The following STOX1 variants were observed in gnomAD, a reference collection of about 807,000 sequenced individuals.
STOX1 encodes storkhead-box protein 1.
Under a neutral mutation model 74.8 loss-of-function variants are expected in STOX1, and 57 were observed. That is an observed-to-expected ratio of 0.76 (90% confidence interval 0.62 to 0.95). The LOEUF (loss-of-function observed/expected upper bound fraction) is 0.95. Among genes scored for constraint, STOX1 ranks in the 40% least tolerant of loss-of-function variants. The probability of loss-of-function intolerance (pLI) is 0.00; values close to 1 mark genes in which losing one functional copy is unlikely to be tolerated. For missense variants in STOX1, 1,010 were observed against 1,117.0 expected, an observed-to-expected ratio of 0.90 and a Z score of 1.37; for synonymous variants, 375 against 401.3, an observed-to-expected ratio of 0.93 and a Z score of 0.78.
intron 1 of STOX1, among the ~76,000 whole-genome samples, chr10:68,832,325 G>C (rs573218554): frequency 3.6e-4 from 55 of 152,274 alleles, no homozygotes; most frequent in African/African-American, 1.3e-3. Context: ...TTTATAGCTG[G>C]GGTGTCTCCA....
chr10:68,849,361 G>T (rs953039938), intron 1 of STOX1, among the ~76,000 whole-genome samples: 1 of 152,122 alleles, frequency 6.6e-6, no homozygotes, highest in African/African-American at 2.4e-5. Flanking sequence ...TTGAATCACT[G>T]AGTGATTCTC....
intron 1 of STOX1, among the ~76,000 whole-genome samples, chr10:68,835,753 C>T (rs1839532869): frequency 6.6e-6 from 1 of 152,206 alleles, no homozygotes; most frequent in African/African-American, 2.4e-5. Context: ...TGAAAAACAC[C>T]AGTGCAAAAT....
intron 3 of STOX1, among the ~76,000 whole-genome samples, chr10:68,889,562 T>C (rs182267063): frequency 2.0e-5 from 3 of 152,182 alleles, no homozygotes; most frequent in African/African-American, 7.2e-5. Context: ...GCTTGGTGTT[T>C]GTTTGCTTAT....
At chr10:68,871,684 T>C (rs1236534050) in intron 1 of STOX1, among the ~76,000 whole-genome samples, 1 of 152,252 alleles carries the variant, frequency 6.6e-6, no homozygotes, top group African/African-American at 2.4e-5. Context: ...GTTTTTGCAT[T>C]CTTTTACTTT....
At position 68,859,753 on chromosome 10, in the gene STOX1, A is replaced by G. The variant is rs575903640; in HGVS notation, c.311-22205A>G. On this transcript the variant is annotated intron_variant, in intron 1 of 3. Transcript: ENST00000298596. Reference sequence around the variant, plus strand: ...TTGAACAAATGAGGGACAGATTCCAACAAGAAGCTTGGAAGTAGGTAGCCT... The same window carrying G: ...TTGAACAAATGAGGGACAGATTCCAGCAAGAAGCTTGGAAGTAGGTAGCCT... Among the ~76,000 whole-genome samples the G allele has an allele frequency of 1.5e-3, 235 of 152,124 alleles. 1 individual carries two copies. The highest frequency in any genetic ancestry group is 5.0e-3 in the African/African-American group (207 of 41,430).
In STOX1 at chr10:68,885,262, A is replaced by T. The variant is rs1419023856; in HGVS notation, c.1466A>T (p.Tyr489Phe). 3 of 1,614,148 alleles carry T rather than the reference A, an allele frequency of 1.9e-6. No homozygotes were observed. The highest frequency in any genetic ancestry group is 2.5e-6 in the Non-Finnish European group (3 of 1,180,050). ...ACAGTGCTAGGTTCCCATTTGATTTACAAAAAGCGAATCAGTAATCCTTTC... is the reference window on the plus strand; with the variant it reads ...ACAGTGCTAGGTTCCCATTTGATTTTCAAAAAGCGAATCAGTAATCCTTTC... Reference protein sequence around the residue: ...ITTVLGSHLIYKKRISNPFQG... With the variant: ...ITTVLGSHLIFKKRISNPFQG... Residue 489 changes from tyrosine to phenylalanine, a missense_variant, in exon 3 of 4, where the codon TAC becomes TTC. By Grantham distance (22) the Tyr-to-Phe change is conservative (BLOSUM62 3). Transcript: ENST00000298596.
intron 1 of STOX1, among the ~76,000 whole-genome samples, chr10:68,869,830 T>C (rs1840494130): frequency 6.6e-6 from 1 of 152,220 alleles, no homozygotes; most frequent in African/African-American, 2.4e-5. Context: ...ATGGGGACCC[T>C]TTTTCTTGTA....
In STOX1 at chr10:68,858,935, G is replaced by C. The variant is rs149578233; in HGVS notation, c.311-23023G>C. Among the ~76,000 whole-genome samples, 18 of 152,208 alleles carry C rather than the reference G, an allele frequency of 1.2e-4. No homozygotes were observed. The East Asian group carries it at 3.5e-3, about 29-fold the overall frequency. Reference sequence around the variant, plus strand: ...CACATGTTTTATCTCATGATGCAAAGTGGAGCCCTATCCCAGCTCCTGTCA... The same window carrying C: ...CACATGTTTTATCTCATGATGCAAACTGGAGCCCTATCCCAGCTCCTGTCA... On this transcript the variant is annotated intron_variant, in intron 1 of 3. Coordinates refer to ENST00000298596, the MANE Select transcript of STOX1 (RefSeq NM_152709.5).
At position 68,885,564 on chromosome 10, in the gene STOX1, A is replaced by G. The variant is rs757435575; in HGVS notation, c.1768A>G (p.Met590Val). ...CCTCTTCAGTCACCCTCAACAGAGC[A>G]TGTTGCAAAATGATGGTAAATGCTG... ...GHLFSHPQQS[M>V]LQNDGKCCPF... Residue 590 changes from methionine (M) to valine (V), a missense_variant, in exon 3 of 4, where the codon ATG (methionine) becomes GTG (valine). Coordinates refer to ENST00000298596, the MANE Select transcript of STOX1 (RefSeq NM_152709.5). 1 of 1,614,222 alleles carries G rather than the reference A, an allele frequency of 6.2e-7. No individual in the cohort carries two copies. Among genetic ancestry groups the G allele is most frequent in the South Asian group, 1.1e-5 (1 of 91,082 alleles).
At chr10:68,836,457 A>C (rs961350048) in intron 1 of STOX1, among the ~76,000 whole-genome samples, 1 of 152,154 alleles carries the variant, frequency 6.6e-6, no homozygotes, top group Non-Finnish European at 1.5e-5. Context: ...TGTGCTAATC[A>C]TTGCTTGCCT....
chr10:68,876,216 G>T (rs1369703976), intron 1 of STOX1, among the ~76,000 whole-genome samples: 3 of 151,354 alleles, frequency 2.0e-5, no homozygotes, highest in African/African-American at 7.3e-5. Flanking sequence ...GTAGTGCAAT[G>T]GCGCGATCTC....
chr10:68,877,642 C>G (rs1455438725), intron 1 of STOX1, among the ~76,000 whole-genome samples: 1 of 152,180 alleles, frequency 6.6e-6, no homozygotes, highest in Non-Finnish European at 1.5e-5. Flanking sequence ...GGAGACAGCC[C>G]TACTATGTTT....
At chr10:68,837,226 G>A (rs1839578863) in intron 1 of STOX1, among the ~76,000 whole-genome samples, 1 of 152,222 alleles carries the variant, frequency 6.6e-6, no homozygotes, top group Admixed American at 6.5e-5. Context: ...TGTATTCAAG[G>A]AAGACTTCCT....
At chr10:68,849,669 C>T (rs1018575484) in intron 1 of STOX1, among the ~76,000 whole-genome samples, 5 of 152,000 alleles carry the variant, frequency 3.3e-5, no homozygotes, top group East Asian at 1.9e-4. Context: ...TTGGGCCAAG[C>T]GCTTGTACAC....
chr10:68,843,768 A>G (rs1839755911), intron 1 of STOX1, among the ~76,000 whole-genome samples: 1 of 152,102 alleles, frequency 6.6e-6, no homozygotes, highest in Non-Finnish European at 1.5e-5. Flanking sequence ...CATGTTGGCC[A>G]AGCTTGTCTT....
chr10:68,875,183 T>G (rs535130176), intron 1 of STOX1, among the ~76,000 whole-genome samples: 27 of 152,352 alleles, frequency 1.8e-4, no homozygotes, highest in African/African-American at 5.0e-4. Context: ...TCCACATCCC[T>G]CGGCTTGTGA....
At chr10:68,883,285 C>T (rs1344048785) in intron 2 of STOX1, among the ~76,000 whole-genome samples, 6 of 150,956 alleles carry the variant, frequency 4.0e-5, no homozygotes, top group Non-Finnish European at 5.9e-5. Context: ...ACTAAATAAA[C>T]GAATGTTTTC....
chr10:68,835,212 T>C (rs949664891), intron 1 of STOX1, among the ~76,000 whole-genome samples: 12 of 151,658 alleles, frequency 7.9e-5, no homozygotes, highest in Non-Finnish European at 1.8e-4. Flanking sequence ...CGGCTAATTT[T>C]TGTATTTTTA....
At chr10:68,850,493 A>T (rs550365364) in intron 1 of STOX1, among the ~76,000 whole-genome samples, 1 of 152,348 alleles carries the variant, frequency 6.6e-6, no homozygotes, top group East Asian at 1.9e-4. Context: ...TGCATAAAAT[A>T]GTTGAAGACA....
Sources: allele counts gnomAD v4.1 joint callset (sites outside exome capture counted in the v4.1 genomes callset), GRCh38; gene constraint gnomAD v4.1.1; transcripts MANE v1.5; gene names NCBI Gene and HGNC (gene_info 2026-07-23, HGNC 2026-07-21).